CTDSPL: variants seen among roughly 807,000 people sequenced by gnomAD.
CTDSPL encodes CTD small phosphatase like.
In CTDSPL, 8 loss-of-function variants were observed where a neutral mutation model predicts 30.5. The observed-to-expected ratio is 0.26, with a 90% CI of 0.15 to 0.47. The LOEUF is 0.47. Ranked by LOEUF, CTDSPL falls within the 20% of genes least tolerant of loss-of-function variation. The pLI, the probability that CTDSPL is intolerant of heterozygous loss-of-function variation, is 0.99. For synonymous variants in CTDSPL, 110 were observed against 137.9 expected (o/e 0.80, Z 1.42); for missense variants, 248 against 366.1 (o/e 0.68, Z 2.63).
intron 2 of CTDSPL, among the ~76,000 whole-genome samples, chr3:37,951,340 C>G (rs892281497): frequency 8.6e-5 from 13 of 150,750 alleles, no homozygotes; most frequent in African/African-American, 3.2e-4. Context: ...TGCACTCCAG[C>G]CTGGGCGAAA....
intron 3 of CTDSPL, among the ~76,000 whole-genome samples, chr3:37,959,181 G>A (rs537535279): frequency 4.6e-5 from 7 of 152,322 alleles, no homozygotes; most frequent in African/African-American, 1.7e-4. Flanking sequence ...GACCAGAGCA[G>A]CTGCATCTGG....
chr3:37,903,594 C>G (rs541521705), intron 1 of CTDSPL, among the ~76,000 whole-genome samples: 1 of 152,164 alleles, frequency 6.6e-6, no homozygotes, highest in Non-Finnish European at 1.5e-5. Context: ...TAGGGTCAAA[C>G]AAGGATGTCC....
At chr3:37,947,286 C>A in intron 2 of CTDSPL, 75 bp downstream of exon 2, 2 of 1,520,068 alleles carry the variant, frequency 1.3e-6, no homozygotes, top group Non-Finnish European at 1.8e-6. Context: ...TGATGAATAT[C>A]CTTAAGAAGA....
intron 1 of CTDSPL, among the ~76,000 whole-genome samples, chr3:37,927,706 A>ATAT (rs61251867): frequency 7.6e-5 from 11 of 144,542 alleles, no homozygotes; most frequent in South Asian, 2.1e-4. Flanking sequence ...ATATATATAT[A>ATAT]AAAAATGAAA....
intron 1 of CTDSPL, among the ~76,000 whole-genome samples, chr3:37,879,502 G>T (rs59723369): frequency 6.6e-6 from 1 of 152,200 alleles, no homozygotes; most frequent in Non-Finnish European, 1.5e-5. Context: ...CACCTTTTGA[G>T]CCTCCTATGC....
chr3:37,874,003 G>A (rs1440548964), intron 1 of CTDSPL, among the ~76,000 whole-genome samples: 1 of 152,178 alleles, frequency 6.6e-6, no homozygotes, highest in Non-Finnish European at 1.5e-5. Context: ...CTTTCACTTT[G>A]TTTCTCAGTT....
At chr3:37,878,574 A>G (rs575194959) in intron 1 of CTDSPL, among the ~76,000 whole-genome samples, 1 of 152,226 alleles carries the variant, frequency 6.6e-6, no homozygotes, top group African/African-American at 2.4e-5. Context: ...TAAACTTAGG[A>G]TAGTACCAGC....
At chr3:37,935,741 C>T (rs895383520) in intron 1 of CTDSPL, among the ~76,000 whole-genome samples, 4 of 152,038 alleles carry the variant, frequency 2.6e-5, no homozygotes, top group African/African-American at 7.2e-5. Context: ...AGTTTTCAAA[C>T]GTGGCATTTG....
intron 1 of CTDSPL, among the ~76,000 whole-genome samples, chr3:37,915,120 A>T: frequency 6.6e-6 from 1 of 151,944 alleles, no homozygotes; most frequent in East Asian, 1.9e-4. Flanking sequence ...ACATTTTCTC[A>T]TGGTATTTTG....
At chr3:37,867,242 C>T (rs578205414) in intron 1 of CTDSPL, among the ~76,000 whole-genome samples, 9 of 152,100 alleles carry the variant, frequency 5.9e-5, no homozygotes, top group Non-Finnish European at 1.0e-4. Context: ...CTTTTTTTCA[C>T]TCAACATAAT....
intron 6 of CTDSPL, among the ~76,000 whole-genome samples, chr3:37,974,988 A>G (rs189960505): frequency 6.6e-6 from 1 of 152,338 alleles, no homozygotes; most frequent in Admixed American, 6.5e-5. Flanking sequence ...GGAGAGAGGA[A>G]ATCAAGCAAT....
Position 37,964,684 on chromosome 3 carries a change from T to TAAAAAAA in CTDSPL, c.369+16_369+22dup. Reference sequence around the variant, plus strand: ...ACAGTTCGTTTAAGGTAAATCAACATAAAAAAAAAATCCATGATCTTTGTG... The same window carrying TAAAAAAA: ...ACAGTTCGTTTAAGGTAAATCAACATAAAAAAAAAAAAAAAAATCCATGATCTTTGTG... On this transcript the variant is annotated intron_variant, in intron 4 of 7. Coordinates refer to ENST00000273179, the MANE Select transcript of CTDSPL (RefSeq NM_001008392.2). 1.4e-6 allele frequency: 2 copies of TAAAAAAA among 1,467,770 alleles called. No individual in the cohort carries two copies. The highest frequency in any genetic ancestry group is 1.4e-5 in the African/African-American group (1 of 69,972). 90.9% of individuals were successfully genotyped at this position (1,467,770 alleles called of 1,614,324 possible). A position where few individuals can be genotyped will look rare whatever the true frequency, so the allele number is the denominator to read the frequency against.
intron 5 of CTDSPL, among the ~76,000 whole-genome samples, chr3:37,970,006 G>A (rs1178109272): frequency 6.6e-6 from 1 of 152,176 alleles, no homozygotes; most frequent in African/African-American, 2.4e-5. Context: ...TGCCATTCAA[G>A]GCCCTAATGT....
chr3:37,968,117 T>C lies in CTDSPL; in HGVS notation c.426+235T>C, dbSNP rs1985420. On this transcript the variant is annotated intron_variant, in intron 5 of 7. Transcript: ENST00000273179. The stretch of plus-strand genomic sequence containing the variant: ...TAGATGCGGTTGCAAGTTCAAATAG[T>C]TCTTTGATTTGAATTTCAGAAGTTT... 3.1e-3 allele frequency: 1,508 copies of C among 492,572 alleles called. 23 individuals carry two copies. Among genetic ancestry groups the C allele is most frequent in the African/African-American group, 0.027 (1,374 of 51,154 alleles). 30.5% of individuals were successfully genotyped at this position (492,572 alleles called of 1,614,324 possible).
intron 1 of CTDSPL, among the ~76,000 whole-genome samples, chr3:37,894,910 T>C (rs1023530630): frequency 1.3e-5 from 2 of 152,220 alleles, no homozygotes; most frequent in African/African-American, 4.8e-5. Flanking sequence ...GTTGGTTCTC[T>C]CTTATACTTT....
chr3:37,899,469 G>C (rs1398810581), intron 1 of CTDSPL, among the ~76,000 whole-genome samples: 2 of 152,170 alleles, frequency 1.3e-5, no homozygotes, highest in Non-Finnish European at 2.9e-5. Flanking sequence ...CCAACTCATA[G>C]CCTGAATTAC....
chr3:37,971,903 T>C (rs1287059768), intron 6 of CTDSPL, among the ~76,000 whole-genome samples: 3 of 152,218 alleles, frequency 2.0e-5, no homozygotes, highest in Non-Finnish European at 2.9e-5. Context: ...AAGTGAGAGA[T>C]AAGTGTTGGA....
intron 1 of CTDSPL, among the ~76,000 whole-genome samples, chr3:37,866,841 A>T (rs143096585): frequency 1.2e-3 from 183 of 152,372 alleles, no homozygotes; most frequent in African/African-American, 4.2e-3. Flanking sequence ...AGCAATAATT[A>T]TTTCAGATGA....
chr3:37,908,727 G>A lies in CTDSPL; in HGVS notation c.80-38330G>A, dbSNP rs552644278. ...GTGCAAATTACTAAATTGCTTTCCAGAAGGATAGTAACAATTTACACTTCC... is the reference window on the plus strand; with the variant it reads ...GTGCAAATTACTAAATTGCTTTCCAAAAGGATAGTAACAATTTACACTTCC... On this transcript the variant is annotated intron_variant, in intron 1 of 7. Transcript: ENST00000273179. 9.8e-5 allele frequency among the ~76,000 whole-genome samples: 15 copies of A among 152,346 alleles called. No homozygotes were observed. The South Asian group carries it at 3.1e-3, about 32-fold the overall frequency.
Sources: gnomAD v4.1 joint callset for allele counts (sites outside exome capture counted in the v4.1 genomes callset) on GRCh38, gnomAD v4.1.1 for gene constraint, MANE v1.5 for transcripts, NCBI Gene and HGNC (gene_info 2026-07-23, HGNC 2026-07-21) for gene names.